Variants in DOCK10 observed in about 807,000 individuals in gnomAD.
The protein encoded by DOCK10 is dedicator of cytokinesis protein 10.
Under a neutral mutation model 280.1 loss-of-function variants are expected in DOCK10, and 145 were observed. The observed-to-expected ratio is 0.52, with a 90% CI of 0.45 to 0.59. The LOEUF is 0.59. DOCK10 is among the 20% of genes least tolerant of loss of function. The pLI, the probability that DOCK10 is intolerant of heterozygous loss-of-function variation, is 0.00. For missense variants in DOCK10, 2,368 were observed against 2,651.7 expected, an observed-to-expected ratio of 0.89 and a Z score of 2.35; for synonymous variants, 915 against 942.2, an observed-to-expected ratio of 0.97 and a Z score of 0.53.
chr2:224,975,723 A>G (rs1705397183), intron 1 of DOCK10, among the ~76,000 whole-genome samples: 1 of 152,222 alleles, frequency 6.6e-6, no homozygotes, highest in African/African-American at 2.4e-5. Context: ...TTCCAAAGAT[A>G]TGGAATTACT....
chr2:224,873,927 A>G, intron 11 of DOCK10, 69 bp downstream of exon 11: 3 of 1,508,068 alleles, frequency 2.0e-6, no homozygotes, highest in Non-Finnish European at 2.7e-6. Context: ...GCAGGAATAG[A>G]AAAGATTTTT....
chr2:224,830,435 G>T, intron 27 of DOCK10, 106 bp downstream of exon 27: 1 of 592,898 alleles, frequency 1.7e-6, no homozygotes, highest in Non-Finnish European at 2.6e-6. Flanking sequence ...AAACTGCTAA[G>T]GTTTATAAAG....
At chr2:224,950,192 A>G (rs1289707872) in intron 1 of DOCK10, among the ~76,000 whole-genome samples, 5 of 152,226 alleles carry the variant, frequency 3.3e-5, no homozygotes, top group Non-Finnish European at 5.9e-5. Flanking sequence ...ATTAATCTAG[A>G]TATTAACATA....
At position 224,784,810 on chromosome 2, in the gene DOCK10, G is replaced by A. The variant is rs945688800; in HGVS notation, c.5655+2212C>T. ...CATTAAAAACTATTTGAAAAGCAGC[G>A]TGATTCACTTCTACCTGCTTTAGAG... On this transcript the variant is annotated intron_variant, in intron 50 of 55. Coordinates refer to ENST00000258390, the MANE Select transcript of DOCK10 (RefSeq NM_014689.3). 15 of 1,258,440 alleles carry A rather than the reference G, an allele frequency of 1.2e-5. No homozygotes were observed. In the African/African-American group the frequency reaches 1.7e-4, roughly 14 times the overall value. The allele number at this position is 1,258,440 out of a possible 1,614,324, so 78.0% of individuals were successfully genotyped here.
chr2:224,844,396 C>T (rs1199554735), intron 22 of DOCK10, among the ~76,000 whole-genome samples: 1 of 152,136 alleles, frequency 6.6e-6, no homozygotes, highest in Non-Finnish European at 1.5e-5. Flanking sequence ...TCCCAAAGTG[C>T]TGGGATTACA....
At position 224,896,384 on chromosome 2, in the gene DOCK10, GA is replaced by G; in HGVS notation, c.334-8del. ...AACTATAAAATTTACAAGCCTGAAA[GA>G]AAGAAAAATGACAATTATTAATATA... On this transcript the variant is annotated splice_region_variant and splice_polypyrimidine_tract_variant and intron_variant, in intron 3 of 55. Coordinates refer to ENST00000258390, the MANE Select transcript of DOCK10 (RefSeq NM_014689.3). 6.5e-7 allele frequency: 1 copy of G among 1,539,328 alleles called. No homozygotes were observed. Among genetic ancestry groups the G allele is most frequent in the Non-Finnish European group, 8.9e-7 (1 of 1,124,064 alleles).
chr2:224,854,977 G>A lies in DOCK10; in HGVS notation c.1874C>T (p.Pro625Leu), dbSNP rs1322081096. 4.4e-6 allele frequency: 7 copies of A among 1,606,698 alleles called. No individual in the cohort carries two copies. Among genetic ancestry groups the A allele is most frequent in the Non-Finnish European group, 6.0e-6 (7 of 1,176,152 alleles). ...GSLDIAVDNV[P>L]LEHPNCVTSS... Reference sequence around the variant, plus strand: ...CATCATCATACTTGGATGCTCCAAGGGAACGTTGTCAACAGCAATATCCAG... The same window carrying A: ...CATCATCATACTTGGATGCTCCAAGAGAACGTTGTCAACAGCAATATCCAG... The change falls in exon 16 of 56, where the codon CCC becomes CTC. Residue 625 changes from proline to leucine, a missense_variant. Pro to Leu is a moderately conservative substitution (Grantham distance 98, BLOSUM62 -3). Around this residue, in one of 2 missense-constraint regions of DOCK10, gnomAD observed 1,209 missense variants for 1,250.9 expected, o/e 0.97. Coordinates refer to ENST00000258390, the MANE Select transcript of DOCK10 (RefSeq NM_014689.3).
At chr2:225,003,140 G>A (rs1245543645) in intron 1 of DOCK10, among the ~76,000 whole-genome samples, 1 of 152,152 alleles carries the variant, frequency 6.6e-6, no homozygotes, top group Non-Finnish European at 1.5e-5. Context: ...TCGACTTCCT[G>A]AGCTCAAGTG....
At chr2:224,918,861 CGTGTGTGAGT>C (rs547382774) in intron 2 of DOCK10, among the ~76,000 whole-genome samples, 42 of 117,998 alleles carry the variant, frequency 3.6e-4, no homozygotes, top group Non-Finnish European at 7.1e-4. Context: ...GTGTGTGTGG[CGTGTGTGAGT>C]GTGTGTATAT....
intron 1 of DOCK10, among the ~76,000 whole-genome samples, chr2:225,038,492 G>C (rs778039708): frequency 2.6e-5 from 4 of 151,966 alleles, no homozygotes; most frequent in Non-Finnish European, 2.9e-5. Flanking sequence ...TGAAGAGTTA[G>C]GAAACATCAA....
At chr2:224,995,425 A>G (rs1275301292) in intron 1 of DOCK10, among the ~76,000 whole-genome samples, 1 of 152,266 alleles carries the variant, frequency 6.6e-6, no homozygotes, top group Non-Finnish European at 1.5e-5. Flanking sequence ...GTCAACACAT[A>G]TAATTCAACA....
intron 1 of DOCK10, among the ~76,000 whole-genome samples, chr2:224,960,776 G>T (rs1240609666): frequency 9.2e-6 from 1 of 108,894 alleles, no homozygotes. Context: ...GTTTCGCTCT[G>T]TCGCCCAGGC....
intron 1 of DOCK10, among the ~76,000 whole-genome samples, chr2:224,998,586 T>G (rs963982038): frequency 1.3e-5 from 2 of 152,298 alleles, no homozygotes; most frequent in East Asian, 3.9e-4. Flanking sequence ...TTCTGCTATA[T>G]ATAAAATAAC....
chr2:224,896,296 G>C lies in DOCK10; in HGVS notation c.415C>G (p.Arg139Gly). ...QYSGDIRQLP[R>G]AEYKPEKLPS... ...TAAGTGCTCATAACAGGTTCTTACCGGGGTAGCTGTCGAATGTCTCCAGAA... is the reference window on the plus strand; with the variant it reads ...TAAGTGCTCATAACAGGTTCTTACCCGGGTAGCTGTCGAATGTCTCCAGAA... Residue 139 changes from arginine (R) to glycine (G), a missense_variant and splice_region_variant, in exon 4 of 56, where the codon CGA (arginine) becomes GGA (glycine). Physicochemically the swap from Arg to Gly is moderately radical, Grantham distance 125. Around this residue, in one of 2 missense-constraint regions of DOCK10, gnomAD observed 1,209 missense variants for 1,250.9 expected, o/e 0.97. Transcript: ENST00000258390. 1 of 1,579,792 alleles carries C rather than the reference G, an allele frequency of 6.3e-7. No homozygotes were observed. The highest frequency in any genetic ancestry group is 2.3e-5 in the East Asian group (1 of 44,192).
chr2:225,040,382 G>A (rs1690386016), intron 1 of DOCK10, among the ~76,000 whole-genome samples: 1 of 152,184 alleles, frequency 6.6e-6, no homozygotes, highest in African/African-American at 2.4e-5. Context: ...CTGAAGCGAA[G>A]CAAGGGGAGT....
At chr2:224,804,454 T>G (rs115365432) in intron 38 of DOCK10, among the ~76,000 whole-genome samples, 26,162 of 151,700 alleles carry the variant, frequency 0.17, 3,312 homozygotes, top group African/African-American at 0.37. Context: ...TACTTGTTTT[T>G]TTTTTTTTTT....
intron 1 of DOCK10, among the ~76,000 whole-genome samples, chr2:224,988,544 T>A (rs1706034922): frequency 6.6e-6 from 1 of 152,182 alleles, no homozygotes; most frequent in African/African-American, 2.4e-5. Flanking sequence ...CACAGAGAAA[T>A]TAAGTGATTC....
intron 1 of DOCK10, among the ~76,000 whole-genome samples, chr2:224,972,954 T>C (rs1390400835): frequency 6.6e-6 from 1 of 152,246 alleles, no homozygotes; most frequent in Non-Finnish European, 1.5e-5. Flanking sequence ...ATCTATTCAA[T>C]AAGTATTTCA....
intron 25 of DOCK10, among the ~76,000 whole-genome samples, chr2:224,836,974 A>G (rs2125435074): frequency 6.6e-6 from 1 of 152,246 alleles, no homozygotes; most frequent in African/African-American, 2.4e-5. Context: ...AAGAGAATAC[A>G]GTTTTTTGAT....
Sources: gnomAD v4.1 joint callset for allele counts (sites outside exome capture counted in the v4.1 genomes callset) on GRCh38, gnomAD v4.1.1 for gene constraint, gnomAD v4.1.1 regional missense constraint, MANE v1.5 for transcripts, NCBI Gene and HGNC (gene_info 2026-07-23, HGNC 2026-07-21) for gene names.